SCAF1: variants seen among roughly 807,000 people sequenced by gnomAD.
SCAF1 encodes the protein splicing factor, arginine/serine-rich 19.
A neutral mutation model predicts 91.2 loss-of-function variants in SCAF1; 28 were observed. The observed-to-expected ratio is 0.31, with a 90% CI of 0.23 to 0.42. The LOEUF is 0.42. Ranked by LOEUF, SCAF1 falls within the 10% of genes least tolerant of loss-of-function variation. The probability of loss-of-function intolerance (pLI) is 1.00; values close to 1 mark genes in which losing one functional copy is unlikely to be tolerated. For missense variants in SCAF1, 1,893 were observed against 1,872.1 expected (o/e 1.01, Z -0.21); for synonymous variants, 1,036 against 833.7 (o/e 1.24, Z -4.18).
intron 7 of SCAF1, 25 bp from the exon 8 acceptor site, chr19:49,654,324 G>A (rs1162438801): frequency 6.2e-7 from 1 of 1,607,410 alleles, no homozygotes; most frequent in South Asian, 1.1e-5. Context: ...CCATCTTCAT[G>A]TTGTCACCTC....
intron 7 of SCAF1, among the ~76,000 whole-genome samples, chr19:49,654,125 C>T (rs2081123171): frequency 6.6e-6 from 1 of 152,176 alleles, no homozygotes; most frequent in South Asian, 2.1e-4. Flanking sequence ...CACTGCATGA[C>T]CCTGGCCAAC....
rs921726682 is a variant in SCAF1 at position 49,652,810 on chromosome 19, C to A, written c.2421C>A (p.Pro807=). 4 of 1,613,814 alleles carry A rather than the reference C, an allele frequency of 2.5e-6. No individual in the cohort carries two copies. In the African/African-American group the frequency reaches 4.0e-5, roughly 16 times the overall value. ...PPKESAPSSG[P]PPKPPVSSGS... ...AGGAGTCGGCGCCTTCCTCAGGGCCCCCGCCAAAGCCACCAGTCAGCAGCG... is the reference window on the plus strand; with the variant it reads ...AGGAGTCGGCGCCTTCCTCAGGGCCACCGCCAAAGCCACCAGTCAGCAGCG... Residue 807 remains proline, a synonymous_variant, in exon 7 of 11, where the codon CCC becomes CCA. Transcript: ENST00000360565.
Position 49,651,733 on chromosome 19 carries a change from C to A in SCAF1, c.1344C>A (p.Ser448=). ...CCCCCGAGGGGGACGACTTCTTGTC[C>A]CTGCATGCGGAGTCGGACGGCGAGG... ...PRAPEGDDFL[S]LHAESDGEGA... Residue 448 remains serine, a synonymous_variant, in exon 7 of 11, where the codon TCC becomes TCA. Coordinates refer to ENST00000360565, the MANE Select transcript of SCAF1 (RefSeq NM_021228.3). 7.3e-7 allele frequency: 1 copy of A among 1,369,770 alleles called. No homozygotes were observed. Among genetic ancestry groups the A allele is most frequent in the Non-Finnish European group, 9.3e-7 (1 of 1,071,520 alleles). The allele number at this position is 1,369,770 out of a possible 1,614,324, so 84.9% of individuals were successfully genotyped here.
chr19:49,651,563 G>C lies in SCAF1; in HGVS notation c.1174G>C (p.Glu392Gln). Residue 392 changes from glutamate (E) to glutamine (Q), a missense_variant, in exon 7 of 11, where the codon GAG (glutamate) becomes CAG (glutamine). Glu to Gln is a conservative substitution (Grantham distance 29). Coordinates refer to ENST00000360565, the MANE Select transcript of SCAF1 (RefSeq NM_021228.3). ...GCTGCCGCCCGGCGACTCGGAGATCGAGGAAGGGGAGATCGTCCAGCCGGA... is the reference window on the plus strand; with the variant it reads ...GCTGCCGCCCGGCGACTCGGAGATCCAGGAAGGGGAGATCGTCCAGCCGGA... ...PLLPPGDSEI[E>Q]EGEIVQPEEE... is the part of the protein sequence containing the mutation. The C allele has an allele frequency of 1.3e-6, 2 of 1,553,974 alleles. No individual in the cohort carries two copies. Among genetic ancestry groups the C allele is most frequent in the East Asian group, 2.4e-5 (1 of 41,658 alleles).
chr19:49,648,853 C>T (rs1206865399), intron 6 of SCAF1, among the ~76,000 whole-genome samples: 1 of 151,928 alleles, frequency 6.6e-6, no homozygotes, highest in African/African-American at 2.4e-5. Context: ...CGCCTCTAGT[C>T]CCAGCTACTC....
intron 6 of SCAF1, among the ~76,000 whole-genome samples, chr19:49,649,251 G>A (rs560273194): frequency 2.5e-4 from 38 of 152,300 alleles, no homozygotes; most frequent in African/African-American, 7.7e-4. Flanking sequence ...TGGATCTCGC[G>A]TGTTTGCAGA....
chr19:49,648,027 G>A (rs550593951), intron 6 of SCAF1, among the ~76,000 whole-genome samples: 165 of 152,046 alleles, frequency 1.1e-3, no homozygotes, highest in African/African-American at 3.6e-3. Flanking sequence ...CAAATTCCCC[G>A]GTTCAAGTTA....
intron 7 of SCAF1, among the ~76,000 whole-genome samples, chr19:49,654,004 G>A (rs2081122390): frequency 2.0e-5 from 3 of 152,162 alleles, no homozygotes; most frequent in Admixed American, 6.5e-5. Flanking sequence ...GCAGGGCATC[G>A]TATTCCTTAC....
In SCAF1 at chr19:49,651,190, TGAG is replaced by T; in HGVS notation, c.807_809del (p.Glu282del). ...GCTCATCAGCGGGGACCCCCTCACC[TGAG>T]GAGGAAGAGGAGGAGGAAGAGGAAG... On this transcript the variant is annotated inframe_deletion, in exon 7 of 11. Transcript: ENST00000360565. 6.2e-7 allele frequency: 1 copy of T among 1,611,360 alleles called. No individual in the cohort carries two copies. The highest frequency in any genetic ancestry group is 8.5e-7 in the Non-Finnish European group (1 of 1,179,218).
At position 49,651,368 on chromosome 19, in the gene SCAF1, A is replaced by G. The variant is rs766780266; in HGVS notation, c.979A>G (p.Thr327Ala). 2.5e-6 allele frequency: 4 copies of G among 1,607,650 alleles called. No individual in the cohort carries two copies. In the South Asian group the frequency reaches 4.4e-5, roughly 18 times the overall value. Residue 327 changes from threonine (T) to alanine (A), a missense_variant, in exon 7 of 11, where the codon ACA becomes GCA. Around this residue, in one of 5 missense-constraint regions of SCAF1, gnomAD observed 1,436 missense variants for 1,306.8 expected, o/e 1.10. Transcript: ENST00000360565. Reference protein sequence around the residue: ...DESPRPDAQPTQPTPAPGTPP... With the variant: ...DESPRPDAQPAQPTPAPGTPP... The stretch of plus-strand genomic sequence containing the variant: ...GAGCCCCCGCCCGGACGCGCAGCCC[A>G]CACAGCCGACTCCCGCCCCTGGAAC...
Position 49,646,147 on chromosome 19 carries a change from G to A in SCAF1, c.206G>A (p.Arg69Gln), listed in dbSNP as rs769291950. The change falls in exon 4 of 11, where the codon CGG becomes CAG. Residue 69 changes from arginine (R) to glutamine (Q), a missense_variant. This residue lies in a region of SCAF1 where 270 missense variants were observed against 292.5 expected (regional missense o/e 0.92). Transcript: ENST00000360565. This position sits in a 1 kb window ranked among gnomAD's most constrained non-coding sequence, Gnocchi z 5.6. Reference sequence around the variant, plus strand: ...CATGGCCTTCGATGGCGGCGCTGCCGGAGTCCACGGTCAGAGCCCCGTTCC... The same window carrying A: ...CATGGCCTTCGATGGCGGCGCTGCCAGAGTCCACGGTCAGAGCCCCGTTCC... ...RCHGLRWRRC[R>Q]SPRSEPRSQE... is the part of the protein sequence containing the mutation. 14 of 1,611,638 alleles carry A rather than the reference G, an allele frequency of 8.7e-6. No homozygotes were observed. Among genetic ancestry groups the A allele is most frequent in the Non-Finnish European group, 1.0e-5 (12 of 1,179,950 alleles).
Position 49,652,903 on chromosome 19 carries a change from G to A in SCAF1, c.2514G>A (p.Ala838=), listed in dbSNP as rs945932530. ...SRKVKLQSKV[A]VLIREGVSST... ...AGGTGAAGCTGCAGTCCAAGGTGGC[G>A]GTGCTGATCCGCGAGGGTGTCAGCA... The change falls in exon 7 of 11, where the codon GCG becomes GCA. Residue 838 remains alanine, a synonymous_variant. Coordinates refer to ENST00000360565, the MANE Select transcript of SCAF1 (RefSeq NM_021228.3). The A allele has an allele frequency of 3.1e-6, 5 of 1,613,904 alleles. No individual in the cohort carries two copies. Among genetic ancestry groups the A allele is most frequent in the Admixed American group, 1.7e-5 (1 of 60,000 alleles).
Position 49,646,488 on chromosome 19 carries a change from G to A in SCAF1, c.262-38G>A, listed in dbSNP as rs1297797324. 1.3e-6 allele frequency: 2 copies of A among 1,575,002 alleles called. No homozygotes were observed. Among genetic ancestry groups the A allele is most frequent in the South Asian group, 2.2e-5 (2 of 90,338 alleles). ...AAGCAGGATTTGCCAGTCTTCATGTGACCAGGGACGGCGTAGAGCCTCTCT... is the reference window on the plus strand; with the variant it reads ...AAGCAGGATTTGCCAGTCTTCATGTAACCAGGGACGGCGTAGAGCCTCTCT... On this transcript the variant is annotated intron_variant, in intron 4 of 10. Coordinates refer to ENST00000360565, the MANE Select transcript of SCAF1 (RefSeq NM_021228.3). The surrounding 1 kb of genome is among the most constrained non-coding windows in gnomAD (Gnocchi z 5.6).
chr19:49,657,610 G>C lies in SCAF1; in HGVS notation c.3619-151G>C, dbSNP rs566036354. ...GTCCCGGGCACCTGCAGCAGAGGGC[G>C]CATGGGACAGACCCTCAGCAGGACT... On this transcript the variant is annotated intron_variant, in intron 9 of 10. Coordinates refer to ENST00000360565, the MANE Select transcript of SCAF1 (RefSeq NM_021228.3). The C allele has an allele frequency of 7.0e-5, 64 of 919,384 alleles. 1 individual carries two copies. The South Asian group carries it at 1.0e-3, about 15-fold the overall frequency. The allele number at this position is 919,384 out of a possible 1,614,324, so 57.0% of individuals were successfully genotyped here. A position where few individuals can be genotyped will look rare whatever the true frequency, so the allele number is the denominator to read the frequency against.
chr19:49,658,465 C>T lies in SCAF1; in HGVS notation c.*66C>T, dbSNP rs529055561. 3.5e-6 allele frequency: 3 copies of T among 856,556 alleles called. No homozygotes were observed. In the East Asian group the frequency reaches 8.0e-5, roughly 23 times the overall value. 53.1% of individuals were successfully genotyped at this position (856,556 alleles called of 1,614,324 possible). ...CTGGACGTATTTATGGCTCCACCTC[C>T]CCACCTCCCTCCCCCGTCAGTGGGA... On this transcript the variant is annotated 3_prime_UTR_variant, in exon 11 of 11. Coordinates refer to ENST00000360565, the MANE Select transcript of SCAF1 (RefSeq NM_021228.3).
Position 49,653,194 on chromosome 19 carries a change from C to T in SCAF1, c.2805C>T (p.Gly935=). The T allele has an allele frequency of 1.9e-6, 3 of 1,553,584 alleles. No individual in the cohort carries two copies. In the South Asian group the frequency reaches 3.6e-5, roughly 19 times the overall value. ...TCCGCAGTGGAGGTGGCAGCGGGGG[C>T]AGTGGTGGCCAGGTGTCGCTGAAGA... The part of the protein sequence containing the change: ...KKVRSGGGSG[G]SGGQVSLKKS... Residue 935 remains glycine (G), a synonymous_variant, in exon 7 of 11, where the codon GGC becomes GGT. Coordinates refer to ENST00000360565, the MANE Select transcript of SCAF1 (RefSeq NM_021228.3).
intron 9 of SCAF1, among the ~76,000 whole-genome samples, chr19:49,655,784 C>T (rs973887875): frequency 9.9e-5 from 15 of 152,226 alleles, no homozygotes; most frequent in Admixed American, 2.6e-4. Flanking sequence ...GATCCTCCTA[C>T]GTCAGCATCC....
chr19:49,646,180 C>T lies in SCAF1; in HGVS notation c.239C>T (p.Ser80Leu). The stretch of plus-strand genomic sequence containing the variant: ...CGGTCAGAGCCCCGTTCCCAGGAAT[C>T]AGGGGGCACTGACACGGCTACTGTG... ...SPRSEPRSQESGGTDTATVLD... is the reference protein window; with the variant it reads ...SPRSEPRSQELGGTDTATVLD... The change falls in exon 4 of 11, where the codon TCA becomes TTA. Residue 80 changes from serine (S) to leucine (L), a missense_variant. This residue lies in a region of SCAF1 where 270 missense variants were observed against 292.5 expected (regional missense o/e 0.92). Transcript: ENST00000360565. This position sits in a 1 kb window ranked among gnomAD's most constrained non-coding sequence, Gnocchi z 5.6. The T allele has an allele frequency of 6.2e-7, 1 of 1,609,208 alleles. No homozygotes were observed. Among genetic ancestry groups the T allele is most frequent in the Non-Finnish European group, 8.5e-7 (1 of 1,179,666 alleles).
chr19:49,645,384 C>G lies in SCAF1; in HGVS notation c.139C>G (p.Leu47Val). 1.2e-6 allele frequency: 2 copies of G among 1,613,866 alleles called. No individual in the cohort carries two copies. Among genetic ancestry groups the G allele is most frequent in the South Asian group, 2.2e-5 (2 of 91,080 alleles). Reference protein sequence around the residue: ...RAIQQAVGSSLQGDLPNDKDG... With the variant: ...RAIQQAVGSSVQGDLPNDKDG... ...CATCCAGCAGGCTGTGGGAAGCTCC[C>G]TGCAGGGGGACCTGCCCAATGATAA... Residue 47 changes from leucine (L) to valine (V), a missense_variant, in exon 3 of 11, where the codon CTG (leucine) becomes GTG (valine). By Grantham distance (32) the Leu-to-Val change is conservative (BLOSUM62 1). Coordinates refer to ENST00000360565, the MANE Select transcript of SCAF1 (RefSeq NM_021228.3). The surrounding 1 kb of genome is among the most constrained non-coding windows in gnomAD (Gnocchi z 4.6).
Sources: gnomAD v4.1 joint callset for allele counts (sites outside exome capture counted in the v4.1 genomes callset) on GRCh38, gnomAD v4.1.1 for gene constraint, gnomAD v4.1.1 regional missense constraint, Gnocchi (gnomAD v3.1) non-coding constraint, MANE v1.5 for transcripts, NCBI Gene and HGNC (gene_info 2026-07-23, HGNC 2026-07-21) for gene names.